The following SBNO1 variants were observed in gnomAD, a reference collection of about 807,000 sequenced individuals.
The protein encoded by SBNO1 is protein strawberry notch homolog 1.
SBNO1 carries 23 observed loss-of-function variants against 173.6 expected under a neutral mutation model. The observed-to-expected ratio is 0.13, with a 90% CI of 0.10 to 0.19. The LOEUF (loss-of-function observed/expected upper bound fraction) is 0.19. Among genes scored for constraint, SBNO1 ranks in the 10% least tolerant of loss-of-function variants. The pLI is 1.00. For missense variants in SBNO1, 1,238 were observed against 1,671.2 expected (o/e 0.74, Z 4.52); for synonymous variants, 632 against 571.5 (o/e 1.11, Z -1.51).
At chr12:123,314,795 C>T in intron 23 of SBNO1, among the ~76,000 whole-genome samples, 1 of 152,186 alleles carries the variant, frequency 6.6e-6, no homozygotes, top group East Asian at 1.9e-4. Context: ...TGGGATTTCA[C>T]TATGTTGGTC....
At position 123,341,110 on chromosome 12, in the gene SBNO1, T is replaced by C. The variant is rs376500780; in HGVS notation, c.551-22A>G. 14 of 1,331,044 alleles carry C rather than the reference T, an allele frequency of 1.1e-5. No homozygotes were observed. In the African/African-American group the frequency reaches 1.5e-4, roughly 14 times the overall value. The allele number at this position is 1,331,044 out of a possible 1,614,324, so 82.5% of individuals were successfully genotyped here. Reference sequence around the variant, plus strand: ...TCAGCTGAGGAGGAAAAAGTCAAATTACATTTAGAAGAAAATTCTGAACTT... The same window carrying C: ...TCAGCTGAGGAGGAAAAAGTCAAATCACATTTAGAAGAAAATTCTGAACTT... On this transcript the variant is annotated intron_variant, in intron 4 of 31. Coordinates refer to ENST00000602398, the MANE Select transcript of SBNO1 (RefSeq NM_001167856.3).
Position 123,328,917 on chromosome 12 carries a change from T to C in SBNO1, c.1135-22A>G, listed in dbSNP as rs780348032. 5.0e-6 allele frequency: 7 copies of C among 1,394,098 alleles called. No individual in the cohort carries two copies. The African/African-American group carries it at 8.7e-5, about 17-fold the overall frequency. The allele number at this position is 1,394,098 out of a possible 1,614,324, so 86.4% of individuals were successfully genotyped here. ...TAAACTAAAAAAGAAAAGAAAAGAA[T>C]TTAGTTAATTAGTATACCTTTCTCT... On this transcript the variant is annotated intron_variant, in intron 9 of 31. Coordinates refer to ENST00000602398, the MANE Select transcript of SBNO1 (RefSeq NM_001167856.3).
intron 28 of SBNO1, among the ~76,000 whole-genome samples, chr12:123,308,629 C>T (rs2048981196): frequency 1.3e-5 from 2 of 151,998 alleles, no homozygotes; most frequent in Middle Eastern, 3.4e-3. Context: ...GAGCCGAGAT[C>T]GCACCACTGC....
In SBNO1 at chr12:123,330,519, T is replaced by C. The variant is rs375379872; in HGVS notation, c.1044-10A>G. The C allele has an allele frequency of 1.7e-5, 25 of 1,444,266 alleles. No homozygotes were observed. In the Middle Eastern group the frequency reaches 5.2e-4, roughly 30 times the overall value. The allele number at this position is 1,444,266 out of a possible 1,614,324, so 89.5% of individuals were successfully genotyped here. ...ATTTGAAACACTAAACCTGCCAAAATATTAAAAAGCACAAATTAAATACAA... is the reference window on the plus strand; with the variant it reads ...ATTTGAAACACTAAACCTGCCAAAACATTAAAAAGCACAAATTAAATACAA... On this transcript the variant is annotated splice_polypyrimidine_tract_variant and intron_variant, in intron 8 of 31. Transcript: ENST00000602398.
At chr12:123,297,512 G>GAGTCC (rs1211716893) in intron 31 of SBNO1, among the ~76,000 whole-genome samples, 2 of 148,904 alleles carry the variant, frequency 1.3e-5, no homozygotes, top group South Asian at 4.3e-4. Context: ...TAAGCAAACA[G>GAGTCC]AGTCCAGTTG....
At chr12:123,296,736 T>G (rs4313613) in intron 31 of SBNO1, among the ~76,000 whole-genome samples, 9,547 of 152,078 alleles carry the variant, frequency 0.063, 337 homozygotes, top group South Asian at 0.11. Flanking sequence ...AATTTTTGTA[T>G]TTTTAGTAGA....
At chr12:123,352,273 T>C (rs1160117808) in intron 1 of SBNO1, among the ~76,000 whole-genome samples, 1 of 152,232 alleles carries the variant, frequency 6.6e-6, no homozygotes, top group Non-Finnish European at 1.5e-5. Flanking sequence ...AAATTAAGTG[T>C]CAGTGTTTCA....
rs1229186849 is a variant in SBNO1, at chr12:123,294,630, G to A, written c.*1278C>T. 1 of 58,456 alleles carries A rather than the reference G, an allele frequency of 1.7e-5. No individual in the cohort carries two copies. The highest frequency in any genetic ancestry group is 8.2e-5 in the African/African-American group (1 of 12,234). The allele number at this position is 58,456 out of a possible 1,614,324, so 3.6% of individuals were successfully genotyped here. A position where few individuals can be genotyped will look rare whatever the true frequency, so the allele number is the denominator to read the frequency against. On this transcript the variant is annotated 3_prime_UTR_variant, in exon 32 of 32. Transcript: ENST00000602398. The stretch of plus-strand genomic sequence containing the variant: ...CGATTTTTCAATAGTGCAACCTGTG[G>A]AAGCAAAAAAAAAAAAAAAAAAAAA...
chr12:123,306,889 A>C (rs1166949014), intron 28 of SBNO1, among the ~76,000 whole-genome samples: 1 of 151,988 alleles, frequency 6.6e-6, no homozygotes, highest in African/African-American at 2.4e-5. Flanking sequence ...AGTATTTCAA[A>C]AACCCCAAAA....
intron 1 of SBNO1, among the ~76,000 whole-genome samples, chr12:123,356,586 C>T (rs1005394106): frequency 4.6e-5 from 7 of 152,148 alleles, no homozygotes; most frequent in African/African-American, 1.7e-4. Flanking sequence ...GTATTACAGG[C>T]GCGTGCCCCC....
At chr12:123,302,753 T>TAAA (rs2048827428) in intron 30 of SBNO1, 71 bp downstream of exon 30, 1 of 921,878 alleles carries the variant, frequency 1.1e-6, no homozygotes, top group Admixed American at 1.7e-5. Flanking sequence ...GACATACTGA[T>TAAA]AAAGAGTGAA....
intron 9 of SBNO1, among the ~76,000 whole-genome samples, chr12:123,330,027 C>T (rs140320111): frequency 3.9e-5 from 6 of 152,334 alleles, no homozygotes; most frequent in Non-Finnish European, 5.9e-5. Flanking sequence ...TAACTATCTA[C>T]ATCGCATATG....
At position 123,334,125 on chromosome 12, in the gene SBNO1, G is replaced by C. The variant is rs1316822593; in HGVS notation, c.837C>G (p.Ser279=). 3.1e-6 allele frequency: 5 copies of C among 1,606,284 alleles called. No homozygotes were observed. The highest frequency in any genetic ancestry group is 4.2e-6 in the Non-Finnish European group (5 of 1,176,550). The change falls in exon 7 of 32, where the codon TCC becomes TCG. Residue 279 remains serine (S), a synonymous_variant. Transcript: ENST00000602398. ...CATTATCAATGGTTTCCTCAGAAAT[G>C]GATGTTTTGTACCAAACATCAGGAG... ...VTPPDVWYKT[S]ISEETIDNGW... is the part of the protein sequence containing the mutation.
At chr12:123,296,162 C>T (rs1341139607) in intron 31 of SBNO1, 112 bp from the exon 32 acceptor site, 2 of 644,268 alleles carry the variant, frequency 3.1e-6, no homozygotes, top group African/African-American at 3.6e-5. Flanking sequence ...ACAAGAAGTT[C>T]ACACAAAAAT....
intron 4 of SBNO1, among the ~76,000 whole-genome samples, chr12:123,342,075 G>C (rs1461723424): frequency 6.6e-6 from 1 of 151,646 alleles, no homozygotes; most frequent in Non-Finnish European, 1.5e-5. Flanking sequence ...AGGCCGAGGA[G>C]GCCCAGTCTC....
chr12:123,353,031 C>T (rs1329476817), intron 1 of SBNO1, among the ~76,000 whole-genome samples: 1 of 152,186 alleles, frequency 6.6e-6, no homozygotes, highest in African/African-American at 2.4e-5. Flanking sequence ...CTCCTGGGCT[C>T]AGGCAATCCG....
intron 30 of SBNO1, among the ~76,000 whole-genome samples, chr12:123,299,698 A>C (rs915319177): frequency 6.6e-6 from 1 of 151,142 alleles, no homozygotes; most frequent in African/African-American, 2.4e-5. Context: ...AAAAAAAAAA[A>C]ACAAAAAAGC....
rs1255118762 is a variant in SBNO1, at chr12:123,320,023, G to A, written c.2676C>T (p.Gly892=). The A allele has an allele frequency of 2.5e-6, 4 of 1,613,936 alleles. No homozygotes were observed. Among genetic ancestry groups the A allele is most frequent in the Non-Finnish European group, 3.4e-6 (4 of 1,179,964 alleles). ...CATTGCTCACAACCCGTCCCTTGCG[G>A]CCAGTCATCTGAGAAGCCAAACAAT... ...GGPENVAEMT[G]RKGRVVSNDD... The change falls in exon 20 of 32, where the codon GGC becomes GGT. Residue 892 remains glycine, a synonymous_variant. Coordinates refer to ENST00000602398, the MANE Select transcript of SBNO1 (RefSeq NM_001167856.3).
intron 30 of SBNO1, among the ~76,000 whole-genome samples, chr12:123,301,549 A>G (rs1224840806): frequency 6.6e-6 from 1 of 152,208 alleles, no homozygotes; most frequent in Non-Finnish European, 1.5e-5. Flanking sequence ...GGAGAGAACA[A>G]TGAGAAGAAA....
Sources: gnomAD v4.1 joint callset for allele counts (sites outside exome capture counted in the v4.1 genomes callset) on GRCh38, gnomAD v4.1.1 for gene constraint, MANE v1.5 for transcripts, NCBI Gene and HGNC (gene_info 2026-07-23, HGNC 2026-07-21) for gene names.